Variants in TP53BP1 observed in about 807,000 individuals in gnomAD.
The protein encoded by TP53BP1 is tumor protein p53 binding protein 1.
Under a neutral mutation model 200.8 loss-of-function variants are expected in TP53BP1, and 61 were observed. The ratio of observed to expected loss-of-function variants is 0.30; its 90% CI spans 0.25 to 0.38. TP53BP1 has a LOEUF of 0.38. TP53BP1 is among the 10% of genes least tolerant of loss of function. The pLI, the probability that TP53BP1 is intolerant of heterozygous loss-of-function variation, is 1.00. For missense variants in TP53BP1, 2,144 were observed against 2,371.9 expected (o/e 0.90, Z 2.00); for synonymous variants, 822 against 844.3 (o/e 0.97, Z 0.46).
chr15:43,508,556 CCA>C (rs1437257574), intron 1 of TP53BP1, among the ~76,000 whole-genome samples: 2 of 152,082 alleles, frequency 1.3e-5, no homozygotes, highest in Non-Finnish European at 2.9e-5. Flanking sequence ...TCACTTGAGC[CCA>C]GAGTTTGAGG....
rs201241595 is a variant in TP53BP1, at chr15:43,479,390, G to C, written c.788+7C>G. ...CTCGTAAATCCTTTTTAGAAAGTTCGGCTTACCTTGCAGGTGGTGGATTTT... is the reference window on the plus strand; with the variant it reads ...CTCGTAAATCCTTTTTAGAAAGTTCCGCTTACCTTGCAGGTGGTGGATTTT... On this transcript the variant is annotated splice_region_variant and intron_variant, in intron 7 of 27. Transcript: ENST00000382044. 7 of 1,591,130 alleles carry C rather than the reference G, an allele frequency of 4.4e-6. No individual in the cohort carries two copies. The highest frequency in any genetic ancestry group is 6.0e-6 in the Non-Finnish European group (7 of 1,170,064).
At chr15:43,475,800 A>G (rs771187873) in intron 8 of TP53BP1, 106 bp from the exon 9 acceptor site, 2 of 1,371,398 alleles carry the variant, frequency 1.5e-6, no homozygotes, top group East Asian at 2.3e-5. Flanking sequence ...ACATATTTCC[A>G]TATTTCCAAA....
intron 11 of TP53BP1, among the ~76,000 whole-genome samples, chr15:43,464,348 T>C (rs949073147): frequency 2.0e-5 from 3 of 152,072 alleles, no homozygotes; most frequent in African/African-American, 7.2e-5. Context: ...AAAAATATAT[T>C]CTGAAAAAAG....
At chr15:43,480,874 C>A in intron 5 of TP53BP1, 21 bp downstream of exon 5, 1 of 1,613,728 alleles carries the variant, frequency 6.2e-7, no homozygotes, top group African/African-American at 1.3e-5. Context: ...GTCTATTATT[C>A]TGAAAAAAGC....
At chr15:43,452,417 G>A (rs2046192139) in intron 12 of TP53BP1, among the ~76,000 whole-genome samples, 1 of 152,002 alleles carries the variant, frequency 6.6e-6, no homozygotes, top group Non-Finnish European at 1.5e-5. Flanking sequence ...AATCAGCCAA[G>A]CATGCTGGTA....
chr15:43,494,475 C>T (rs535875139), upstream of TP53BP1, among the ~76,000 whole-genome samples: 42 of 152,310 alleles, frequency 2.8e-4, no homozygotes, highest in African/African-American at 9.9e-4. Flanking sequence ...AATCTAGAAT[C>T]TATTACTGCT....
At chr15:43,473,872 G>A (rs1242084854) in intron 10 of TP53BP1, among the ~76,000 whole-genome samples, 1 of 152,226 alleles carries the variant, frequency 6.6e-6, no homozygotes, top group African/African-American at 2.4e-5. Flanking sequence ...CCGTGCTCCT[G>A]CACTCCTCAG....
At chr15:43,428,575 T>G (rs1343355041) in intron 17 of TP53BP1, among the ~76,000 whole-genome samples, 1 of 152,202 alleles carries the variant, frequency 6.6e-6, no homozygotes, top group Non-Finnish European at 1.5e-5. Flanking sequence ...AAGGCACTCT[T>G]TAGTCCTTTA....
intron 11 of TP53BP1, among the ~76,000 whole-genome samples, chr15:43,464,820 A>C (rs527500931): frequency 6.6e-6 from 1 of 152,258 alleles, no homozygotes; most frequent in South Asian, 2.1e-4. Context: ...AGGCAGGAGA[A>C]TCGCTTGAAC....
At chr15:43,495,611 A>T (rs993753055), upstream of TP53BP1, among the ~76,000 whole-genome samples, 9 of 152,020 alleles carry the variant, frequency 5.9e-5, no homozygotes, top group East Asian at 1.5e-3. Flanking sequence ...AGGTCAGGAG[A>T]TCGAGACCAT....
chr15:43,411,253 T>C (rs538694689), intron 24 of TP53BP1, among the ~76,000 whole-genome samples: 1 of 152,338 alleles, frequency 6.6e-6, no homozygotes, highest in East Asian at 1.9e-4. Flanking sequence ...TTTTGAGGTA[T>C]AAGTGCCCTG....
chr15:43,420,973 T>C (rs2045382473), intron 20 of TP53BP1, 52 bp downstream of exon 20: 1 of 1,572,396 alleles, frequency 6.4e-7, no homozygotes, highest in Non-Finnish European at 8.6e-7. Flanking sequence ...CTCTCCTCCA[T>C]TCCCTTGTTT....
chr15:43,421,944 T>C lies in TP53BP1; in HGVS notation c.4011A>G (p.Lys1337=). 1.2e-6 allele frequency: 2 copies of C among 1,614,216 alleles called. No homozygotes were observed. Among genetic ancestry groups the C allele is most frequent in the East Asian group, 2.2e-5 (1 of 44,880 alleles). Reference sequence around the variant, plus strand: ...TTTTCCCTCTGAGTGGTCCGGCTCCTTTCCCTGAGCTTCCACTGCTGTGCA... The same window carrying C: ...TTTTCCCTCTGAGTGGTCCGGCTCCCTTCCCTGAGCTTCCACTGCTGTGCA... The part of the protein sequence containing the change: ...SAMHSSGSSG[K]GAGPLRGKTS... The change falls in exon 19 of 28, where the codon AAA becomes AAG. Residue 1337 remains lysine (K), a synonymous_variant. Transcript: ENST00000382044.
At chr15:43,435,372 T>G (rs140205943) in intron 16 of TP53BP1, among the ~76,000 whole-genome samples, 750 of 152,150 alleles carry the variant, frequency 4.9e-3, no homozygotes, top group Non-Finnish European at 5.6e-3. Context: ...GCTCTGTTTA[T>G]GAGGCATCTA....
In TP53BP1 at chr15:43,453,956, C is replaced by G. The variant is rs147518412; in HGVS notation, c.2716+1936G>C. Among the ~76,000 whole-genome samples the G allele has an allele frequency of 1.9e-3, 293 of 152,006 alleles. 1 individual carries two copies. The highest frequency in any genetic ancestry group is 6.7e-3 in the African/African-American group (280 of 41,484). On this transcript the variant is annotated intron_variant, in intron 12 of 27. Transcript: ENST00000382044. Reference sequence around the variant, plus strand: ...GGTGCAGCGGCTCACGCCTGTAATCCCAGCACTTTGGAGGCCGAGGAAGGC... The same window carrying G: ...GGTGCAGCGGCTCACGCCTGTAATCGCAGCACTTTGGAGGCCGAGGAAGGC...
Position 43,405,145 on chromosome 15 carries a change from T to A in TP53BP1, c.*2238A>T. 1 of 1,595,898 alleles carries A rather than the reference T, an allele frequency of 6.3e-7. No homozygotes were observed. Among genetic ancestry groups the A allele is most frequent in the East Asian group, 2.2e-5 (1 of 44,778 alleles). On this transcript the variant is annotated 3_prime_UTR_variant, in exon 28 of 28. Coordinates refer to ENST00000382044, the MANE Select transcript of TP53BP1 (RefSeq NM_001141980.3). ...ACAGGTTATCCTGATTCATATTTCTTTGAAGGTAGTCTTGGGAAAGCATGA... is the reference window on the plus strand; with the variant it reads ...ACAGGTTATCCTGATTCATATTTCTATGAAGGTAGTCTTGGGAAAGCATGA...
rs138999915 is a variant in TP53BP1 at position 43,409,214 on chromosome 15, T to A, written c.5401-118A>T. 6.9e-5 allele frequency: 61 copies of A among 889,064 alleles called. No individual in the cohort carries two copies. The African/African-American group carries it at 9.9e-4, about 14-fold the overall frequency. 55.1% of individuals were successfully genotyped at this position (889,064 alleles called of 1,614,324 possible). ...AGACTCCCAACTACTACCCAAAATG[T>A]GATTTAGTCTATCCTGCCCAAGGCC... is the stretch of plus-strand genomic sequence containing the variant. On this transcript the variant is annotated intron_variant, in intron 25 of 27. Transcript: ENST00000382044.
intron 10 of TP53BP1, among the ~76,000 whole-genome samples, chr15:43,470,622 A>T (rs2046702318): frequency 6.6e-6 from 1 of 152,230 alleles, no homozygotes; most frequent in Non-Finnish European, 1.5e-5. Flanking sequence ...TTATCAAAGA[A>T]CTAAGAAAGA....
At chr15:43,461,052 C>G (rs1054195548) in intron 11 of TP53BP1, among the ~76,000 whole-genome samples, 3 of 151,144 alleles carry the variant, frequency 2.0e-5, no homozygotes, top group African/African-American at 7.3e-5. Flanking sequence ...GGCAATTTAG[C>G]AAAACACAAC....
Sources: allele counts gnomAD v4.1 joint callset (sites outside exome capture counted in the v4.1 genomes callset), GRCh38; gene constraint gnomAD v4.1.1; transcripts MANE v1.5; gene names NCBI Gene and HGNC (gene_info 2026-07-23, HGNC 2026-07-21).